Variants in ADAM28 observed in about 807,000 individuals in gnomAD.
ADAM28 encodes the protein ADAM metallopeptidase domain 28, also known as disintegrin and metalloproteinase domain-containing protein 28.
ADAM28 carries 105 observed loss-of-function variants against 101.2 expected under a neutral mutation model. That is an observed-to-expected ratio of 1.04 (90% CI 0.89 to 1.22). The LOEUF (loss-of-function observed/expected upper bound fraction) is 1.22, where lower values mean the gene tolerates loss of function less well. ADAM28 is among the 50% of genes most tolerant of loss of function. The pLI is 0.00. For missense variants in ADAM28, 1,028 were observed against 945.4 expected (o/e 1.09, Z -1.15); for synonymous variants, 322 against 310.6 (o/e 1.04, Z -0.39).
At chr8:24,308,197 A>C (rs1809961473) in intron 2 of ADAM28, among the ~76,000 whole-genome samples, 1 of 148,120 alleles carries the variant, frequency 6.8e-6, no homozygotes, top group African/African-American at 2.7e-5. Flanking sequence ...GGTGCATCTT[A>C]CTTCTCTTGA....
intron 2 of ADAM28, 56 bp downstream of exon 2, chr8:24,300,133 A>G (rs1188556534): frequency 1.5e-6 from 2 of 1,339,944 alleles, no homozygotes; most frequent in Non-Finnish European, 2.1e-6. Flanking sequence ...ATACACACAT[A>G]TATATATCTA....
chr8:24,304,799 C>T (rs1324548174), intron 2 of ADAM28, among the ~76,000 whole-genome samples: 1 of 151,458 alleles, frequency 6.6e-6, no homozygotes, highest in Non-Finnish European at 1.5e-5. Context: ...CCTCTAATCC[C>T]AACTACTAAG....
rs539758586 is a variant in ADAM28, at chr8:24,313,406, G to A, written c.402G>A (p.Gly134=). The part of the protein sequence containing the change: ...CRGLRGYFSQ[G]DQRYFIEPLS... ...TTTTCAGGGGCTACTTCAGTCAGGG[G>A]GATCAAAGATACTTTATTGAACCTT... The change falls in exon 6 of 23, where the codon GGG becomes GGA. Residue 134 remains glycine, a synonymous_variant. Coordinates refer to ENST00000265769, the MANE Select transcript of ADAM28 (RefSeq NM_014265.6). The A allele has an allele frequency of 2.0e-5, 32 of 1,611,038 alleles. No individual in the cohort carries two copies. Among genetic ancestry groups the A allele is most frequent in the Non-Finnish European group, 2.5e-5 (29 of 1,178,806 alleles).
intron 18 of ADAM28, among the ~76,000 whole-genome samples, chr8:24,345,248 T>C (rs1040159684): frequency 5.3e-5 from 8 of 152,046 alleles, no homozygotes; most frequent in African/African-American, 1.7e-4. Context: ...TTTTCTTCCA[T>C]TGAAGAAATG....
chr8:24,354,294 A>AATTT lies in ADAM28; in HGVS notation c.2308-89_2308-86dup, dbSNP rs1816519467. The AATTT allele has an allele frequency of 1.1e-5, 12 of 1,142,788 alleles. No homozygotes were observed. In the South Asian group the frequency reaches 1.7e-4, roughly 16 times the overall value. 70.8% of individuals were successfully genotyped at this position (1,142,788 alleles called of 1,614,324 possible). On this transcript the variant is annotated intron_variant, in intron 22 of 22. Transcript: ENST00000265769. Reference sequence around the variant, plus strand: ...TATGAAATAGAAACTGACTTCAGATAATTTTAATTTCTTCATAGTTCAGCT... The same window carrying AATTT: ...TATGAAATAGAAACTGACTTCAGATAATTTATTTTAATTTCTTCATAGTTCAGCT...
chr8:24,343,566 G>A lies in ADAM28; in HGVS notation c.1972G>A (p.Asp658Asn), dbSNP rs1037867875. 4 of 1,613,738 alleles carry A rather than the reference G, an allele frequency of 2.5e-6. No individual in the cohort carries two copies. The highest frequency in any genetic ancestry group is 3.4e-6 in the Non-Finnish European group (4 of 1,179,798). Residue 658 changes from aspartate (D) to asparagine (N), a missense_variant, in exon 18 of 23, where the codon GAC (aspartate) becomes AAC (asparagine). Transcript: ENST00000265769. Reference sequence around the variant, plus strand: ...AGGATGGATCCCTCCCGACTGCGATGACTCCTCAGTGGTCTTCCGTAGGTA... The same window carrying A: ...AGGATGGATCCCTCCCGACTGCGATAACTCCTCAGTGGTCTTCCGTAGGTA... ...EEGWIPPDCD[D>N]SSVVFHFSIV...
rs1489348958 is a variant in ADAM28 at position 24,306,355 on chromosome 8, A to ATATATATATAT, written c.151-3539_151-3538insTATATATATAT. On this transcript the variant is annotated intron_variant, in intron 2 of 22. Transcript: ENST00000265769. Reference sequence around the variant, plus strand: ...TGAGACTCCATCTCAAATACAAATAAATAAATAAATATATATATATATATA... The same window carrying ATATATATATAT: ...TGAGACTCCATCTCAAATACAAATAATATATATATATATAAATAAATATATATATATATATA... 4.8e-3 allele frequency among the ~76,000 whole-genome samples: 520 copies of ATATATATATAT among 107,504 alleles called. 15 individuals are homozygous for ATATATATATAT. Among genetic ancestry groups the ATATATATATAT allele is most frequent in the African/African-American group, 9.0e-3 (230 of 25,596 alleles). The allele number at this position is 107,504 out of a possible 152,430, so 70.5% of individuals were successfully genotyped here. A position where few individuals can be genotyped will look rare whatever the true frequency, so the allele number is the denominator to read the frequency against.
chr8:24,313,555 T>C lies in ADAM28; in HGVS notation c.551T>C (p.Ile184Thr), dbSNP rs375972783. The change falls in exon 6 of 23, where the codon ATT (isoleucine) becomes ACT (threonine). Residue 184 changes from isoleucine (I) to threonine (T), a missense_variant. By Grantham distance (89) the Ile-to-Thr change is moderately conservative. Transcript: ENST00000265769. The part of the protein sequence containing the change: ...VLWAHDLQQN[I>T]ALPATKLVKL... The stretch of plus-strand genomic sequence containing the variant: ...TGGGCCCACGATTTGCAGCAGAACA[T>C]TGCCCTACCTGCCACCAAACTAGTA... The C allele has an allele frequency of 4.3e-6, 7 of 1,613,662 alleles. No individual in the cohort carries two copies. The highest frequency in any genetic ancestry group is 2.2e-5 in the East Asian group (1 of 44,874).
chr8:24,325,904 A>C lies in ADAM28; in HGVS notation c.891-650A>C, dbSNP rs1290019884. ...AAAAAAAAAAAAAAAAAAAAAACCA[A>C]AAAACAAAAACTAAAAGGAAAGAGT... On this transcript the variant is annotated intron_variant, in intron 9 of 22. Coordinates refer to ENST00000265769, the MANE Select transcript of ADAM28 (RefSeq NM_014265.6). Among the ~76,000 whole-genome samples, 167 of 148,618 alleles carry C rather than the reference A, an allele frequency of 1.1e-3. 1 individual carries two copies. The highest frequency in any genetic ancestry group is 3.4e-3 in the African/African-American group (140 of 40,618).
chr8:24,347,997 G>A (rs1815612808), intron 18 of ADAM28, among the ~76,000 whole-genome samples: 1 of 151,850 alleles, frequency 6.6e-6, no homozygotes, highest in African/African-American at 2.4e-5. Flanking sequence ...TTCTTTAACT[G>A]AGGAACTTAG....
At chr8:24,306,016 T>A (rs1460074226) in intron 2 of ADAM28, among the ~76,000 whole-genome samples, 1 of 152,116 alleles carries the variant, frequency 6.6e-6, no homozygotes, top group Non-Finnish European at 1.5e-5. Context: ...GGTTGCCAGA[T>A]GAAATACAGA....
At chr8:24,348,811 G>A (rs1815726677) in intron 18 of ADAM28, among the ~76,000 whole-genome samples, 1 of 152,048 alleles carries the variant, frequency 6.6e-6, no homozygotes, top group African/African-American at 2.4e-5. Flanking sequence ...TTTCAAGTTT[G>A]GTGTGTTTGT....
chr8:24,335,911 C>A, intron 14 of ADAM28: 1 of 1,135,458 alleles, frequency 8.8e-7, no homozygotes, highest in Non-Finnish European at 1.1e-6. Flanking sequence ...ATATCCCATG[C>A]AATATTTGAG....
At chr8:24,329,377 C>T (rs1813044497) in intron 10 of ADAM28, among the ~76,000 whole-genome samples, 1 of 152,130 alleles carries the variant, frequency 6.6e-6, no homozygotes, top group Non-Finnish European at 1.5e-5. Flanking sequence ...AACGATTCTC[C>T]TGCATTGTTT....
intron 12 of ADAM28, among the ~76,000 whole-genome samples, chr8:24,331,784 G>T (rs1490650009): frequency 2.0e-5 from 3 of 152,098 alleles, no homozygotes; most frequent in Admixed American, 1.3e-4. Flanking sequence ...AGACCACCCA[G>T]CACAGGGATC....
intron 12 of ADAM28, among the ~76,000 whole-genome samples, chr8:24,332,201 C>CA (rs1813444922): frequency 6.6e-6 from 1 of 152,060 alleles, no homozygotes; most frequent in South Asian, 2.1e-4. Context: ...GAGACTAAGA[C>CA]AAAGTATTTG....
chr8:24,313,305 G>T, intron 5 of ADAM28, 83 bp from the exon 6 acceptor site: 1 of 1,290,894 alleles, frequency 7.7e-7, no homozygotes, highest in Non-Finnish European at 1.0e-6. Context: ...GAATTTTAAA[G>T]GTCCTCTTTT....
intron 9 of ADAM28, among the ~76,000 whole-genome samples, chr8:24,325,871 C>CAAAAAAAAAAAAAAA (rs5890146): frequency 9.3e-4 from 19 of 20,418 alleles, no homozygotes; most frequent in African/African-American, 1.5e-3. Context: ...GTACAGATAG[C>CAAAAAAAAAAAAAAA]AAAAAAAAAA....
At chr8:24,353,938 C>CTGTA in intron 22 of ADAM28, 106 bp downstream of exon 22, 1 of 726,918 alleles carries the variant, frequency 1.4e-6, no homozygotes, top group East Asian at 2.8e-5. Context: ...AGAACAGTAT[C>CTGTA]TGTATGATTT....
Sources: allele counts gnomAD v4.1 joint callset (sites outside exome capture counted in the v4.1 genomes callset), GRCh38; gene constraint gnomAD v4.1.1; transcripts MANE v1.5; gene names NCBI Gene and HGNC (gene_info 2026-07-23, HGNC 2026-07-21).